PDZD7: variants seen among roughly 807,000 people sequenced by gnomAD.
PDZD7 encodes PDZ domain-containing protein 7.
In PDZD7, 72 loss-of-function variants were observed where a neutral mutation model predicts 84.7. That is an observed-to-expected ratio of 0.85 (90% confidence interval 0.70 to 1.03). The LOEUF (loss-of-function observed/expected upper bound fraction) is 1.03. Ranked by LOEUF, PDZD7 falls within the 50% of genes least tolerant of loss-of-function variation. The probability of loss-of-function intolerance (pLI) is 0.00; values close to 1 mark genes in which losing one functional copy is unlikely to be tolerated. For missense variants in PDZD7, 1,490 were observed against 1,412.9 expected, an observed-to-expected ratio of 1.05 and a Z score of -0.87; for synonymous variants, 594 against 580.7, an observed-to-expected ratio of 1.02 and a Z score of -0.33.
intron 2 of PDZD7, among the ~76,000 whole-genome samples, chr10:101,026,481 TG>T (rs1215717667): frequency 1.3e-4 from 2 of 15,462 alleles, no homozygotes; most frequent in African/African-American, 2.7e-4. Context: ...TTTTGATGGG[TG>T]GGGGGTAAGG....
chr10:101,009,694 G>A (rs1328788845), intron 15 of PDZD7, among the ~76,000 whole-genome samples: 1 of 121,586 alleles, frequency 8.2e-6, no homozygotes, highest in African/African-American at 3.1e-5. Context: ...CGCAACCTCC[G>A]CCTCCCGGGT....
At position 101,011,940 on chromosome 10, in the gene PDZD7, G is replaced by C; in HGVS notation, c.1918C>G (p.Leu640Val). 1 of 1,550,314 alleles carries C rather than the reference G, an allele frequency of 6.5e-7. No individual in the cohort carries two copies. ...CACTGCTGACCTGCCCTGCTCTTGAGGGCCTCAAAAGCCTCCAGCTCCACA... is the reference window on the plus strand; with the variant it reads ...CACTGCTGACCTGCCCTGCTCTTGACGGCCTCAAAAGCCTCCAGCTCCACA... The part of the protein sequence containing the change: ...MLVELEAFEA[L>V]KSRAVRPPAL... The change falls in exon 13 of 17, where the codon CTC (leucine) becomes GTC (valine). Residue 640 changes from leucine to valine, a missense_variant. Physicochemically the swap from Leu to Val is conservative, Grantham distance 32. Coordinates refer to ENST00000619208, the MANE Select transcript of PDZD7 (RefSeq NM_001195263.2).
chr10:101,029,294 G>A (rs1937906579), intron 2 of PDZD7, among the ~76,000 whole-genome samples: 1 of 152,100 alleles, frequency 6.6e-6, no homozygotes, highest in Admixed American at 6.6e-5. Flanking sequence ...TTATTGCTCT[G>A]TCCTGCTACA....
At chr10:101,011,049 G>A in intron 14 of PDZD7, 166 bp from the exon 15 acceptor site, 1 of 908,816 alleles carries the variant, frequency 1.1e-6, no homozygotes, top group Admixed American at 5.7e-5. Flanking sequence ...TATTAGAATC[G>A]CTTATTTATT....
At chr10:101,011,448 C>T in intron 14 of PDZD7, 1 of 1,173,432 alleles carries the variant, frequency 8.5e-7, no homozygotes, top group Non-Finnish European at 1.1e-6. Flanking sequence ...GAGGTTACTG[C>T]ATAGAATGAG....
chr10:101,024,109 TG>T (rs1327816774), intron 2 of PDZD7, 41 bp from the exon 3 acceptor site: 1 of 1,614,076 alleles, frequency 6.2e-7, no homozygotes, highest in South Asian at 1.1e-5. Flanking sequence ...ATGTTCATTG[TG>T]GGCACAGAGG....
chr10:101,020,199 C>T (rs1368410955), intron 7 of PDZD7, among the ~76,000 whole-genome samples: 1 of 152,152 alleles, frequency 6.6e-6, no homozygotes, highest in Non-Finnish European at 1.5e-5. Flanking sequence ...CCTCTGCCTC[C>T]TGGGTTCAAG....
Position 101,010,674 on chromosome 10 carries a change from G to A in PDZD7, c.2215C>T (p.Pro739Ser), listed in dbSNP as rs1381977683. The part of the protein sequence containing the change: ...RIACTPPPQL[P>S]PVAPRPLRPN... ...CGCAGGGGCCGGGGAGCCACGGGGG[G>A]TAGCTGGGGAGGGGGTGTGCAGGCA... The change falls in exon 15 of 17, where the codon CCC (proline) becomes TCC (serine). Residue 739 changes from proline to serine, a missense_variant. Coordinates refer to ENST00000619208, the MANE Select transcript of PDZD7 (RefSeq NM_001195263.2). 16 of 1,521,710 alleles carry A rather than the reference G, an allele frequency of 1.1e-5. No individual in the cohort carries two copies. Among genetic ancestry groups the A allele is most frequent in the Non-Finnish European group, 1.4e-5 (16 of 1,137,204 alleles). The allele number at this position is 1,521,710 out of a possible 1,614,324, so 94.3% of individuals were successfully genotyped here. A position where few individuals can be genotyped will look rare whatever the true frequency, so the allele number is the denominator to read the frequency against.
rs60039986 is a variant in PDZD7, at chr10:101,007,875, A to ACCCCCC, written c.*586_*591dup. 7 of 23,792 alleles carry ACCCCCC rather than the reference A, an allele frequency of 2.9e-4. No individual in the cohort carries two copies. The highest frequency in any genetic ancestry group is 4.2e-4 in the Non-Finnish European group (6 of 14,436). The allele number at this position is 23,792 out of a possible 1,614,324, so 1.5% of individuals were successfully genotyped here. A position where few individuals can be genotyped will look rare whatever the true frequency, so the allele number is the denominator to read the frequency against. ...GATAAAGAGTACAGGAACTTGTTTG[A>ACCCCCC]CCCCCCCCCCCCCACCATTTGCTGG... On this transcript the variant is annotated 3_prime_UTR_variant, in exon 17 of 17. Coordinates refer to ENST00000619208, the MANE Select transcript of PDZD7 (RefSeq NM_001195263.2).
Position 101,010,465 on chromosome 10 carries a change from G to T in PDZD7, c.2424C>A (p.Thr808=), listed in dbSNP as rs1852354554. The T allele has an allele frequency of 1.3e-6, 2 of 1,535,822 alleles. No individual in the cohort carries two copies. The highest frequency in any genetic ancestry group is 3.9e-5 in the Admixed American group (2 of 50,980). Residue 808 remains threonine, a synonymous_variant, in exon 15 of 17, where the codon ACC becomes ACA. Transcript: ENST00000619208. ...SPVPTPAPSM[T]NGRYHKPRKA... is the part of the protein sequence containing the mutation. ...TCCGAGGCTTGTGGTAGCGCCCATT[G>T]GTCATGCTGGGGGCAGGGGTAGGCA...
chr10:101,020,580 C>T (rs1339524529), intron 7 of PDZD7, 38 bp downstream of exon 7: 2 of 1,548,372 alleles, frequency 1.3e-6, no homozygotes, highest in East Asian at 2.3e-5. Context: ...AAGGCCTCAG[C>T]CCTTTCCCTC....
chr10:101,018,917 G>A lies in PDZD7; in HGVS notation c.1229C>T (p.Ser410Phe), dbSNP rs780852185. The A allele has an allele frequency of 6.2e-7, 1 of 1,604,474 alleles. No homozygotes were observed. The highest frequency in any genetic ancestry group is 8.5e-7 in the Non-Finnish European group (1 of 1,176,168). ...CGTCTTGGGAGACTCAGAGAGCGCAGAGTCAAGGCGGCGGCCGGGATGGGG... is the reference window on the plus strand; with the variant it reads ...CGTCTTGGGAGACTCAGAGAGCGCAAAGTCAAGGCGGCGGCCGGGATGGGG... Reference protein sequence around the residue: ...DGPHPGRRLDSALSESPKTAL... With the variant: ...DGPHPGRRLDFALSESPKTAL... The change falls in exon 8 of 17, where the codon TCT (serine) becomes TTT (phenylalanine). Residue 410 changes from serine (S) to phenylalanine (F), a missense_variant. Coordinates refer to ENST00000619208, the MANE Select transcript of PDZD7 (RefSeq NM_001195263.2).
rs1396173460 is a variant in PDZD7, at chr10:101,018,916, A to T, written c.1230T>A (p.Ser410=). The T allele has an allele frequency of 3.7e-6, 6 of 1,604,884 alleles. No individual in the cohort carries two copies. The highest frequency in any genetic ancestry group is 4.3e-6 in the Non-Finnish European group (5 of 1,176,378). Residue 410 remains serine (S), a synonymous_variant, in exon 8 of 17, where the codon TCT becomes TCA. Coordinates refer to ENST00000619208, the MANE Select transcript of PDZD7 (RefSeq NM_001195263.2). The part of the protein sequence containing the change: ...DGPHPGRRLD[S]ALSESPKTAL... Reference sequence around the variant, plus strand: ...CCGTCTTGGGAGACTCAGAGAGCGCAGAGTCAAGGCGGCGGCCGGGATGGG... The same window carrying T: ...CCGTCTTGGGAGACTCAGAGAGCGCTGAGTCAAGGCGGCGGCCGGGATGGG...
chr10:101,009,198 G>A, intron 16 of PDZD7, 52 bp downstream of exon 16: 1 of 1,449,448 alleles, frequency 6.9e-7, no homozygotes, highest in East Asian at 2.5e-5. Context: ...CCCACCTCCT[G>A]CCTGGTTTCA....
chr10:101,026,489 A>C (rs1937708217), intron 2 of PDZD7, among the ~76,000 whole-genome samples: 2 of 142,000 alleles, frequency 1.4e-5, no homozygotes, highest in South Asian at 2.6e-4. Context: ...GGTGGGGGGT[A>C]AGGGGGGGCA....
chr10:101,021,321 G>A (rs1272799070), intron 6 of PDZD7, among the ~76,000 whole-genome samples: 1 of 152,124 alleles, frequency 6.6e-6, no homozygotes, highest in Admixed American at 6.5e-5. Flanking sequence ...GAGCCGGAAT[G>A]AGAAGACCTG....
chr10:101,030,317 C>A lies in PDZD7; in HGVS notation c.-98G>T, dbSNP rs1462495521. The A allele has an allele frequency of 9.3e-7, 1 of 1,070,308 alleles. No individual in the cohort carries two copies. The highest frequency in any genetic ancestry group is 2.6e-5 in the East Asian group (1 of 38,862). 66.3% of individuals were successfully genotyped at this position (1,070,308 alleles called of 1,614,324 possible). A position where few individuals can be genotyped will look rare whatever the true frequency, so the allele number is the denominator to read the frequency against. On this transcript the variant is annotated 5_prime_UTR_variant, in exon 2 of 17. Coordinates refer to ENST00000619208, the MANE Select transcript of PDZD7 (RefSeq NM_001195263.2). ...GCTTCGAGCTCCATGAGCCTCTGTGCGGGGCTGGGGTCTCAGTAACGTGAA... is the reference window on the plus strand; with the variant it reads ...GCTTCGAGCTCCATGAGCCTCTGTGAGGGGCTGGGGTCTCAGTAACGTGAA...
chr10:101,019,249 G>A (rs753514748), intron 7 of PDZD7, 32 bp from the exon 8 acceptor site: 1 of 1,534,918 alleles, frequency 6.5e-7, no homozygotes, highest in East Asian at 2.4e-5. Flanking sequence ...GGGATCAGCG[G>A]GCTTGCTTCA....
At position 101,020,673 on chromosome 10, in the gene PDZD7, G is replaced by T. The variant is rs752366856; in HGVS notation, c.873C>A (p.Thr291=). Residue 291 remains threonine (T), a synonymous_variant, in exon 7 of 17, where the codon ACC becomes ACA. Coordinates refer to ENST00000619208, the MANE Select transcript of PDZD7 (RefSeq NM_001195263.2). The stretch of plus-strand genomic sequence containing the variant: ...TCTCCTTGTAGGCAGGATACCGGCC[G>T]GTCTCCTGGGGAGGGGATGGTGGGC... The part of the protein sequence containing the change: ...QTHIMLTIKE[T]GRYPAYKEMV... 4.3e-6 allele frequency: 7 copies of T among 1,613,656 alleles called. No homozygotes were observed. Among genetic ancestry groups the T allele is most frequent in the Non-Finnish European group, 5.9e-6 (7 of 1,179,692 alleles).
Sources: gnomAD v4.1 joint callset for allele counts (sites outside exome capture counted in the v4.1 genomes callset) on GRCh38, gnomAD v4.1.1 for gene constraint, MANE v1.5 for transcripts, NCBI Gene and HGNC (gene_info 2026-07-23, HGNC 2026-07-21) for gene names.